PACS1: variants seen among roughly 807,000 people sequenced by gnomAD.
PACS1 encodes the protein PACS-1.
A neutral mutation model predicts 115.0 loss-of-function variants in PACS1; 24 were observed. That is an observed-to-expected ratio of 0.21 (90% CI 0.15 to 0.29). The LOEUF (loss-of-function observed/expected upper bound fraction) is 0.29. Ranked by LOEUF, PACS1 falls within the 10% of genes least tolerant of loss-of-function variation. The pLI is 1.00. For synonymous variants in PACS1, 453 were observed against 504.5 expected (o/e 0.90, Z 1.37); for missense variants, 838 against 1,251.2 (o/e 0.67, Z 4.98).
chr11:66,142,687 A>G (rs1859023205), intron 1 of PACS1, among the ~76,000 whole-genome samples: 1 of 151,750 alleles, frequency 6.6e-6, no homozygotes, highest in South Asian at 2.1e-4. Context: ...AGAACTTTCA[A>G]TTTAAGCTGA....
chr11:66,140,276 C>T (rs1449857449), intron 1 of PACS1, among the ~76,000 whole-genome samples: 1 of 152,112 alleles, frequency 6.6e-6, no homozygotes, highest in Non-Finnish European at 1.5e-5. Flanking sequence ...GCTTGCAAAC[C>T]GAGGAGATTT....
chr11:66,216,003 A>C (rs1326810755), intron 4 of PACS1, 116 bp from the exon 5 acceptor site: 1 of 775,044 alleles, frequency 1.3e-6, no homozygotes, highest in Non-Finnish European at 2.1e-6. Flanking sequence ...TTTGAAAGTA[A>C]GGAAGAAAAC....
intron 10 of PACS1, 101 bp downstream of exon 10, chr11:66,221,348 T>C (rs1198209156): frequency 1.9e-6 from 2 of 1,049,438 alleles, no homozygotes; most frequent in Non-Finnish European, 2.9e-6. Context: ...GTTGTGACCT[T>C]AGAAAAGTGG....
intron 13 of PACS1, among the ~76,000 whole-genome samples, chr11:66,231,290 G>A (rs1033942647): frequency 1.3e-5 from 2 of 152,246 alleles, no homozygotes. Flanking sequence ...TGTTGCAGAG[G>A]ACAGCAGCCT....
intron 1 of PACS1, among the ~76,000 whole-genome samples, chr11:66,093,828 G>A (rs1857718281): frequency 6.6e-6 from 1 of 152,110 alleles, no homozygotes; most frequent in South Asian, 2.1e-4. Flanking sequence ...TAAAAGATCA[G>A]ACATTATAAC....
intron 1 of PACS1, among the ~76,000 whole-genome samples, chr11:66,092,626 G>A (rs947103613): frequency 6.6e-6 from 1 of 152,180 alleles, no homozygotes; most frequent in Admixed American, 6.5e-5. Flanking sequence ...GTAATGCCTA[G>A]GTTTTCTTCT....
intron 1 of PACS1, among the ~76,000 whole-genome samples, chr11:66,154,236 A>G (rs187393234): frequency 2.6e-5 from 4 of 152,302 alleles, no homozygotes; most frequent in African/African-American, 9.6e-5. Context: ...CAGGAATTCA[A>G]GACCAGCCTG....
chr11:66,223,237 C>G (rs141313836), intron 10 of PACS1, among the ~76,000 whole-genome samples: 2,007 of 152,126 alleles, frequency 0.013, 38 homozygotes, highest in African/African-American at 0.045. Context: ...GGACTGCAGG[C>G]ACGTGCCACC....
chr11:66,117,018 G>C (rs181212103), intron 1 of PACS1, among the ~76,000 whole-genome samples: 2 of 152,170 alleles, frequency 1.3e-5, no homozygotes, highest in Admixed American at 1.3e-4. Context: ...CTAAGCAGGG[G>C]AAGAAGACAG....
intron 1 of PACS1, among the ~76,000 whole-genome samples, chr11:66,185,686 C>T (rs926004810): frequency 6.6e-6 from 1 of 152,096 alleles, no homozygotes; most frequent in Admixed American, 6.5e-5. Flanking sequence ...AGATTTGGCT[C>T]TCCTAGGGAT....
At chr11:66,126,135 A>G (rs1041197408) in intron 1 of PACS1, among the ~76,000 whole-genome samples, 1 of 151,742 alleles carries the variant, frequency 6.6e-6, no homozygotes, top group African/African-American at 2.4e-5. Context: ...CGACATTACT[A>G]GTGGGATTTT....
intron 1 of PACS1, among the ~76,000 whole-genome samples, chr11:66,164,596 A>ATACATATATATATATGTATTATATAT (rs1859558421): frequency 1.5e-5 from 2 of 135,792 alleles, no homozygotes; most frequent in South Asian, 2.3e-4. Context: ...GTATTATATA[A>ATACATATATATATATGTATTATATAT]TATATAATAC....
At chr11:66,134,254 C>CTTTTTTTTTCTTT (rs1858780382) in intron 1 of PACS1, among the ~76,000 whole-genome samples, 1 of 75,064 alleles carries the variant, frequency 1.3e-5, no homozygotes, top group Non-Finnish European at 2.3e-5. Context: ...TTTTCTTTTT[C>CTTTTTTTTTCTTT]TTTTTTTTTT....
chr11:66,194,869 G>T (rs1353528357), intron 2 of PACS1, among the ~76,000 whole-genome samples: 1 of 152,104 alleles, frequency 6.6e-6, no homozygotes, highest in Non-Finnish European at 1.5e-5. Context: ...ATATATTGAG[G>T]TGCCTCGGCC....
chr11:66,139,883 A>G (rs997349992), intron 1 of PACS1, among the ~76,000 whole-genome samples: 2 of 152,088 alleles, frequency 1.3e-5, no homozygotes, highest in African/African-American at 4.8e-5. Context: ...GGATTGCTGG[A>G]TTGTAAGGTA....
intron 10 of PACS1, 57 bp from the exon 11 acceptor site, chr11:66,227,447 C>A: frequency 2.0e-6 from 2 of 1,000,598 alleles, no homozygotes; most frequent in Non-Finnish European, 3.1e-6. Flanking sequence ...CCTAGTAAAA[C>A]AAATTAAAGT....
rs545892192 is a variant in PACS1 at position 66,092,487 on chromosome 11, A to C, written c.356+21645A>C. Reference sequence around the variant, plus strand: ...TTTTGTAGGTTGCCTGTTCACTCTGATGGTAGTTTCTTTTGCTGTGCAGAA... The same window carrying C: ...TTTTGTAGGTTGCCTGTTCACTCTGCTGGTAGTTTCTTTTGCTGTGCAGAA... On this transcript the variant is annotated intron_variant, in intron 1 of 23. Transcript: ENST00000320580. Among the ~76,000 whole-genome samples, 507 of 152,052 alleles carry C rather than the reference A, an allele frequency of 3.3e-3. 1 individual carries two copies. Among genetic ancestry groups the C allele is most frequent in the Non-Finnish European group, 5.0e-3 (343 of 67,974 alleles).
intron 1 of PACS1, among the ~76,000 whole-genome samples, chr11:66,117,184 G>T (rs1202759344): frequency 2.0e-5 from 3 of 152,114 alleles, no homozygotes; most frequent in Non-Finnish European, 4.4e-5. Context: ...AAGGAGGCTG[G>T]GCGCAGTGGT....
chr11:66,183,486 T>A (rs1210117501), intron 1 of PACS1, among the ~76,000 whole-genome samples: 1 of 152,238 alleles, frequency 6.6e-6, no homozygotes, highest in Admixed American at 6.5e-5. Context: ...GAGAGGAAAA[T>A]GCCTTGCTCA....
Sources: gnomAD v4.1 joint callset for allele counts (sites outside exome capture counted in the v4.1 genomes callset) on GRCh38, gnomAD v4.1.1 for gene constraint, MANE v1.5 for transcripts, NCBI Gene and HGNC (gene_info 2026-07-23, HGNC 2026-07-21) for gene names.